Variants in CD99L2 observed in about 807,000 individuals in gnomAD.
CD99L2 encodes CD99 molecule like 2.
A neutral mutation model predicts 27.3 loss-of-function variants in CD99L2; 24 were observed. That is an observed-to-expected ratio of 0.88 (90% CI 0.64 to 1.24). The LOEUF is 1.24. CD99L2 is among the 50% of genes most tolerant of loss of function. The probability of loss-of-function intolerance (pLI) is 0.00; values close to 1 mark genes in which losing one functional copy is unlikely to be tolerated. For synonymous variants in CD99L2, 97 were observed against 87.9 expected (o/e 1.10, Z -0.58); for missense variants, 255 against 221.6 (o/e 1.15, Z -0.96).
intron 2 of CD99L2, among the ~76,000 whole-genome samples, chrX:150,822,399 G>C (rs1557420693): frequency 8.9e-6 from 1 of 111,928 alleles, no homozygotes; most frequent in Non-Finnish European, 1.9e-5. Flanking sequence ...TGATAGGTAA[G>C]GGATTTTTGC....
At chrX:150,804,751 G>T (rs1162261191) in intron 4 of CD99L2, among the ~76,000 whole-genome samples, 2 of 112,106 alleles carry the variant, frequency 1.8e-5, no homozygotes, top group African/African-American at 6.5e-5. Context: ...TGAAAGAGAG[G>T]ATATCACTAA....
chrX:150,854,488 C>T (rs1007454114), intron 1 of CD99L2, among the ~76,000 whole-genome samples: 3 of 111,440 alleles, frequency 2.7e-5, no homozygotes, highest in African/African-American at 9.8e-5. Context: ...TGTGCCCCCT[C>T]CCAATTCATA....
intron 7 of CD99L2, among the ~76,000 whole-genome samples, chrX:150,789,848 G>A (rs1237225678): frequency 1.8e-5 from 2 of 112,095 alleles, no homozygotes; most frequent in African/African-American, 6.5e-5. Flanking sequence ...TTGCATTACT[G>A]CACTCCAGGC....
chrX:150,869,796 T>C (rs1557422140), intron 1 of CD99L2, among the ~76,000 whole-genome samples: 1 of 111,389 alleles, frequency 9.0e-6, no homozygotes, highest in Non-Finnish European at 1.9e-5. Context: ...TCTTTGAAAA[T>C]GACTATCCAT....
At chrX:150,835,456 G>A (rs1557421172) in intron 1 of CD99L2, among the ~76,000 whole-genome samples, 1 of 112,084 alleles carries the variant, frequency 8.9e-6, no homozygotes, top group Non-Finnish European at 1.9e-5. Flanking sequence ...CTGGAGGCTA[G>A]GAGTTTGAGG....
intron 4 of CD99L2, among the ~76,000 whole-genome samples, chrX:150,807,119 T>G (rs1371095734): frequency 9.0e-6 from 1 of 111,083 alleles, no homozygotes; most frequent in East Asian, 2.8e-4. Flanking sequence ...CTTGGGGCCC[T>G]GAAGTTACAA....
At chrX:150,827,309 T>C (rs1249796337) in intron 2 of CD99L2, among the ~76,000 whole-genome samples, 2 of 110,337 alleles carry the variant, frequency 1.8e-5, no homozygotes, top group African/African-American at 6.6e-5. Context: ...TAAGCTAAGA[T>C]AGAAAAAAGG....
intron 1 of CD99L2, among the ~76,000 whole-genome samples, chrX:150,877,014 G>A (rs1236265210): frequency 1.8e-5 from 2 of 110,769 alleles, no homozygotes; most frequent in Non-Finnish European, 3.8e-5. Flanking sequence ...CAGGCATGGT[G>A]GCTCATGCCT....
chrX:150,813,186 C>A (rs1252914889), intron 4 of CD99L2, among the ~76,000 whole-genome samples: 2 of 111,239 alleles, frequency 1.8e-5, no homozygotes, highest in African/African-American at 3.3e-5. Context: ...GATACACAAA[C>A]CTACACACGT....
chrX:150,795,386 C>T, intron 5 of CD99L2, 32 bp downstream of exon 5: 1 of 1,209,577 alleles, frequency 8.3e-7, no homozygotes. Flanking sequence ...GGGATCCTTG[C>T]CTTACTACTC....
intron 1 of CD99L2, among the ~76,000 whole-genome samples, chrX:150,852,247 T>C (rs2046803562): frequency 9.0e-6 from 1 of 111,382 alleles, no homozygotes; most frequent in Non-Finnish European, 1.9e-5. Flanking sequence ...TGTGGAGACT[T>C]GTTTGTAGGA....
chrX:150,807,343 T>C (rs1413305241), intron 4 of CD99L2, among the ~76,000 whole-genome samples: 2 of 111,613 alleles, frequency 1.8e-5, no homozygotes, highest in Admixed American at 9.5e-5. Flanking sequence ...CAGGGTTTCT[T>C]TGGCCAAAGC....
At chrX:150,807,737 G>T (rs190468516) in intron 4 of CD99L2, among the ~76,000 whole-genome samples, 1 of 111,554 alleles carries the variant, frequency 9.0e-6, no homozygotes, top group East Asian at 2.8e-4. Context: ...AGATCTGCCT[G>T]CAGGCCTGTG....
chrX:150,775,130 A>G (rs1253514297), intron 9 of CD99L2, among the ~76,000 whole-genome samples: 9 of 112,603 alleles, frequency 8.0e-5, no homozygotes, highest in Non-Finnish European at 7.5e-5. Context: ...TCCGTAAAGC[A>G]TCTTGGGACC....
chrX:150,799,934 C>G (rs2045877559), intron 4 of CD99L2, among the ~76,000 whole-genome samples: 1 of 111,867 alleles, frequency 8.9e-6, no homozygotes, highest in Non-Finnish European at 1.9e-5. Flanking sequence ...CACCAATGCT[C>G]CTAACAGCAT....
chrX:150,799,335 C>CAA (rs368884708), intron 4 of CD99L2, among the ~76,000 whole-genome samples: 6 of 89,823 alleles, frequency 6.7e-5, no homozygotes, highest in African/African-American at 2.4e-4. Flanking sequence ...CTGTCTCTAC[C>CAA]AAAAAAAAAA....
intron 4 of CD99L2, among the ~76,000 whole-genome samples, chrX:150,800,482 G>C (rs782508147): frequency 1.8e-5 from 2 of 111,290 alleles, no homozygotes; most frequent in East Asian, 5.6e-4. Flanking sequence ...TATTTACATA[G>C]CATTATATTG....
At chrX:150,823,797 C>T (rs782522715) in intron 2 of CD99L2, among the ~76,000 whole-genome samples, 49 of 109,216 alleles carry the variant, frequency 4.5e-4, no homozygotes, top group African/African-American at 1.5e-3. Flanking sequence ...GCCACTAGTC[C>T]CACTCCCATG....
intron 9 of CD99L2, among the ~76,000 whole-genome samples, chrX:150,773,114 C>T (rs184196176): frequency 8.9e-6 from 1 of 112,666 alleles, no homozygotes; most frequent in Non-Finnish European, 1.9e-5. Flanking sequence ...CTATTTTTCT[C>T]TCTCTGTTCC....
Sources: gnomAD v4.1 joint callset for allele counts (sites outside exome capture counted in the v4.1 genomes callset) on GRCh38, gnomAD v4.1.1 for gene constraint, MANE v1.5 for transcripts, NCBI Gene and HGNC (gene_info 2026-07-23, HGNC 2026-07-21) for gene names.